CLCA2: variants seen among roughly 807,000 people sequenced by gnomAD.
CLCA2 encodes the protein calcium-activated chloride channel regulator 2.
CLCA2 carries 85 observed loss-of-function variants against 82.9 expected under a neutral mutation model. The observed-to-expected ratio is 1.03, with a 90% CI of 0.86 to 1.23. The LOEUF is 1.23. Ranked by LOEUF, CLCA2 falls within the 50% of genes most tolerant of loss-of-function variation. The pLI, the probability that CLCA2 is intolerant of heterozygous loss-of-function variation, is 0.00. For synonymous variants in CLCA2, 421 were observed against 391.7 expected (o/e 1.07, Z -0.88); for missense variants, 1,089 against 1,124.8 (o/e 0.97, Z 0.45).
At chr1:86,437,721 T>C (rs1184336275) in intron 6 of CLCA2, among the ~76,000 whole-genome samples, 1 of 152,082 alleles carries the variant, frequency 6.6e-6, no homozygotes, top group Non-Finnish European at 1.5e-5. Flanking sequence ...TGGGACCTGT[T>C]CAAGAATATG....
intron 12 of CLCA2, among the ~76,000 whole-genome samples, chr1:86,452,912 C>G (rs1038711618): frequency 6.6e-6 from 1 of 152,192 alleles, no homozygotes; most frequent in African/African-American, 2.4e-5. Context: ...CAGTGGCTCA[C>G]TCCTGTAATC....
chr1:86,426,588 T>C (rs1054054510), intron 2 of CLCA2, among the ~76,000 whole-genome samples: 2 of 152,132 alleles, frequency 1.3e-5, no homozygotes, highest in Non-Finnish European at 2.9e-5. Flanking sequence ...GTGTTTAAGC[T>C]CCAACTAAGT....
chr1:86,448,936 G>C (rs984485169), intron 11 of CLCA2, among the ~76,000 whole-genome samples: 1 of 152,246 alleles, frequency 6.6e-6, no homozygotes, highest in Non-Finnish European at 1.5e-5. Context: ...CTGGAGAACA[G>C]AGCCTACTCC....
At chr1:86,437,104 T>C (rs1398059938) in intron 6 of CLCA2, among the ~76,000 whole-genome samples, 1 of 152,228 alleles carries the variant, frequency 6.6e-6, no homozygotes, top group African/African-American at 2.4e-5. Context: ...GGAAAGATGA[T>C]GGTACTTGAG....
intron 10 of CLCA2, among the ~76,000 whole-genome samples, chr1:86,444,914 T>TGTTGTC (rs991504539): frequency 5.3e-5 from 8 of 151,868 alleles, no homozygotes; most frequent in Non-Finnish European, 1.2e-4. Flanking sequence ...TTGTTGTTGT[T>TGTTGTC]GAGATGGAGT....
At chr1:86,437,713 G>C (rs1175214496) in intron 6 of CLCA2, among the ~76,000 whole-genome samples, 3 of 152,018 alleles carry the variant, frequency 2.0e-5, no homozygotes, top group Non-Finnish European at 4.4e-5. Flanking sequence ...TGAGTTGATG[G>C]GACCTGTTCA....
Position 86,443,790 on chromosome 1 carries a change from GA to G in CLCA2, c.1495del (p.Ser499ValfsTer12). The G allele has an allele frequency of 1.2e-6, 2 of 1,612,516 alleles. No individual in the cohort carries two copies. Among genetic ancestry groups the G allele is most frequent in the South Asian group, 2.2e-5 (2 of 90,954 alleles). Reference sequence around the variant, plus strand: ...ATATATATCTTCTCTTTAACAGCTTGAAAGTACAGGTGAAAATGTCAAACCT... The same window carrying G: ...ATATATATCTTCTCTTTAACAGCTTGAAGTACAGGTGAAAATGTCAAACCT... ...GDIFQQHIQL[E>X]STGENVKPHH... On this transcript the variant is annotated frameshift_variant, in exon 10 of 14. Coordinates refer to ENST00000370565, the MANE Select transcript of CLCA2 (RefSeq NM_006536.7). LOFTEE classifies it high-confidence loss of function.
At chr1:86,442,233 A>G (rs1205761616) in intron 9 of CLCA2, among the ~76,000 whole-genome samples, 1 of 152,218 alleles carries the variant, frequency 6.6e-6, no homozygotes, top group African/African-American at 2.4e-5. Context: ...ATATTTACAC[A>G]GTGAAGGCAA....
In CLCA2 at chr1:86,424,351, T is replaced by C; in HGVS notation, c.104T>C (p.Leu35Pro). Reference protein sequence around the residue: ...ELPFLGAGVQLQDNGYNGLLI... With the variant: ...ELPFLGAGVQPQDNGYNGLLI... ...CCATTCCTGGGAGCTGGAGTACAGC[T>C]TCAAGACAATGGGTATAATGGATTG... The change falls in exon 1 of 14, where the codon CTT (leucine) becomes CCT (proline). Residue 35 changes from leucine to proline, a missense_variant. Leu to Pro is a moderately conservative substitution (Grantham distance 98). Coordinates refer to ENST00000370565, the MANE Select transcript of CLCA2 (RefSeq NM_006536.7). 1 of 1,613,932 alleles carries C rather than the reference T, an allele frequency of 6.2e-7. No individual in the cohort carries two copies. Among genetic ancestry groups the C allele is most frequent in the Non-Finnish European group, 8.5e-7 (1 of 1,179,910 alleles).
intron 6 of CLCA2, among the ~76,000 whole-genome samples, chr1:86,435,152 A>G (rs578095169): frequency 1.3e-5 from 2 of 152,230 alleles, no homozygotes; most frequent in South Asian, 4.1e-4. Context: ...GGAGGAGGCA[A>G]AAGGTTTGGA....
At chr1:86,428,108 G>A (rs1287988216) in intron 2 of CLCA2, among the ~76,000 whole-genome samples, 2 of 152,102 alleles carry the variant, frequency 1.3e-5, no homozygotes, top group African/African-American at 4.8e-5. Context: ...TGACTTTTGA[G>A]AATATTTTAA....
Position 86,424,276 on chromosome 1 carries a change from T to C in CLCA2, c.29T>C (p.Ile10Thr), listed in dbSNP as rs1662343430. The C allele has an allele frequency of 3.7e-6, 6 of 1,613,622 alleles. No homozygotes were observed. Among genetic ancestry groups the C allele is most frequent in the Non-Finnish European group, 5.1e-6 (6 of 1,179,860 alleles). ...ACCCAAAGGAGCATTGCAGGTCCTA[T>C]TTGCAACCTGAAGTTTGTGACTCTC... MTQRSIAGP[I>T]CNLKFVTLLV... Residue 10 changes from isoleucine to threonine, a missense_variant, in exon 1 of 14, where the codon ATT becomes ACT. By Grantham distance (89) the Ile-to-Thr change is moderately conservative (BLOSUM62 -1). Transcript: ENST00000370565.
rs200302052 is a variant in CLCA2 at position 86,428,538 on chromosome 1, G to A, written c.445G>A (p.Asp149Asn). 8.1e-6 allele frequency: 13 copies of A among 1,613,542 alleles called. No homozygotes were observed. The highest frequency in any genetic ancestry group is 1.1e-5 in the Non-Finnish European group (13 of 1,179,722). Residue 149 changes from aspartate (D) to asparagine (N), a missense_variant, in exon 3 of 14, where the codon GAT (aspartate) becomes AAT (asparagine). Asp to Asn is a conservative substitution (Grantham distance 23). Transcript: ENST00000370565. ...TTTCACACCTAATTTCCTACTGAAT[G>A]ATAACTTAACAGCTGGCTACGGATC... ...IHFTPNFLLN[D>N]NLTAGYGSRG...
intron 6 of CLCA2, among the ~76,000 whole-genome samples, chr1:86,435,180 AT>A (rs1241237574): frequency 6.6e-6 from 1 of 152,190 alleles, no homozygotes; most frequent in Non-Finnish European, 1.5e-5. Context: ...AGGACATCCT[AT>A]TTTTTGGGGG....
At chr1:86,425,267 A>G (rs1207168489) in intron 1 of CLCA2, 72 bp from the exon 2 acceptor site, 12 of 1,099,848 alleles carry the variant, frequency 1.1e-5, no homozygotes, top group Non-Finnish European at 1.3e-5. Flanking sequence ...ATTACTGTTT[A>G]AGCATACCAG....
At chr1:86,446,730 T>G (rs773426610) in intron 10 of CLCA2, among the ~76,000 whole-genome samples, 7 of 152,166 alleles carry the variant, frequency 4.6e-5, no homozygotes, top group Non-Finnish European at 1.0e-4. Context: ...CACTTGTTAC[T>G]TCTGGGGGTT....
intron 11 of CLCA2, among the ~76,000 whole-genome samples, chr1:86,449,969 C>T (rs1662930505): frequency 6.6e-6 from 1 of 152,150 alleles, no homozygotes; most frequent in Non-Finnish European, 1.5e-5. Context: ...GTAGATGCTA[C>T]CAAATTCTGT....
rs1249066266 is a variant in CLCA2 at position 86,447,777 on chromosome 1, A to G, written c.1983A>G (p.Ala661=). 1 of 1,610,686 alleles carries G rather than the reference A, an allele frequency of 6.2e-7. No individual in the cohort carries two copies. Among genetic ancestry groups the G allele is most frequent in the Non-Finnish European group, 8.5e-7 (1 of 1,179,530 alleles). Residue 661 remains alanine (A), a splice_region_variant and synonymous_variant, in exon 11 of 14, where the codon GCA becomes GCG. Transcript: ENST00000370565. ...PVTLRLLDDG[A]GADVIKNDGI... ...CGCTGAGACTCCTTGATGATGGAGC[A>G]GGTAACAAGGAATGTCATGACATTT...
intron 10 of CLCA2, 58 bp downstream of exon 10, chr1:86,444,069 C>A: frequency 8.9e-7 from 1 of 1,128,400 alleles, no homozygotes; most frequent in Non-Finnish European, 1.3e-6. Flanking sequence ...TGATTTTCAG[C>A]TGAATCACAT....
Sources: allele counts gnomAD v4.1 joint callset (sites outside exome capture counted in the v4.1 genomes callset), GRCh38; gene constraint gnomAD v4.1.1; transcripts MANE v1.5; gene names NCBI Gene and HGNC (gene_info 2026-07-23, HGNC 2026-07-21).